FOXJ3: variants seen among roughly 807,000 people sequenced by gnomAD.
FOXJ3 encodes forkhead box J3.
Under a neutral mutation model 76.1 loss-of-function variants are expected in FOXJ3, and 22 were observed. The observed-to-expected ratio is 0.29, with a 90% CI of 0.21 to 0.41. The LOEUF (loss-of-function observed/expected upper bound fraction) is 0.41. Among genes scored for constraint, FOXJ3 ranks in the 10% least tolerant of loss-of-function variants. The pLI, the probability that FOXJ3 is intolerant of heterozygous loss-of-function variation, is 1.00. For synonymous variants in FOXJ3, 269 were observed against 261.2 expected (o/e 1.03, Z -0.29); for missense variants, 613 against 762.1 (o/e 0.80, Z 2.30).
intron 6 of FOXJ3, among the ~76,000 whole-genome samples, chr1:42,201,487 G>A (rs1485241981): frequency 6.6e-6 from 1 of 152,146 alleles, no homozygotes; most frequent in Non-Finnish European, 1.5e-5. Context: ...TATAAAATGT[G>A]GAGTATACAT....
At chr1:42,286,917 A>AG (rs1653093883) in intron 2 of FOXJ3, among the ~76,000 whole-genome samples, 1 of 151,162 alleles carries the variant, frequency 6.6e-6, no homozygotes, top group South Asian at 2.1e-4. Flanking sequence ...TACAGGCGTG[A>AG]GCCACCACGC....
At chr1:42,205,965 G>A (rs757831102) in intron 5 of FOXJ3, 102 bp from the exon 6 acceptor site, 2 of 654,872 alleles carry the variant, frequency 3.1e-6, no homozygotes, top group South Asian at 2.1e-5. Flanking sequence ...CCAGTTTTGT[G>A]CTTTGTTTCT....
At chr1:42,265,690 A>T (rs1315596613) in intron 3 of FOXJ3, among the ~76,000 whole-genome samples, 1 of 152,130 alleles carries the variant, frequency 6.6e-6, no homozygotes, top group Non-Finnish European at 1.5e-5. Flanking sequence ...ATGTATTACC[A>T]CTTATTAATT....
At chr1:42,204,587 C>A (rs1375446698) in intron 6 of FOXJ3, among the ~76,000 whole-genome samples, 1 of 152,152 alleles carries the variant, frequency 6.6e-6, no homozygotes, top group Non-Finnish European at 1.5e-5. Context: ...TCTCACCTAG[C>A]TGGTCACCAT....
chr1:42,239,751 A>C (rs1377924296), intron 4 of FOXJ3, among the ~76,000 whole-genome samples: 1 of 152,168 alleles, frequency 6.6e-6, no homozygotes, highest in Non-Finnish European at 1.5e-5. Context: ...TTGTTGAAGG[A>C]TAGTCATCTC....
At chr1:42,287,002 C>A (rs930167996) in intron 2 of FOXJ3, among the ~76,000 whole-genome samples, 2 of 151,742 alleles carry the variant, frequency 1.3e-5, no homozygotes, top group Admixed American at 6.6e-5. Context: ...GAAAAATTCA[C>A]AATATATTCA....
At position 42,311,107 on chromosome 1, in the gene FOXJ3, G is replaced by C. The variant is rs761473978; in HGVS notation, c.-14C>G. ...ATACAAACCCATCTGGCCACAAAGAGAATCTGAAAAGCAAAGAAGAGTTAG... is the reference window on the plus strand; with the variant it reads ...ATACAAACCCATCTGGCCACAAAGACAATCTGAAAAGCAAAGAAGAGTTAG... On this transcript the variant is annotated 5_prime_UTR_variant, in exon 2 of 13. Coordinates refer to ENST00000361346, the MANE Select transcript of FOXJ3 (RefSeq NM_014947.5). 3 of 1,592,116 alleles carry C rather than the reference G, an allele frequency of 1.9e-6. No homozygotes were observed. Among genetic ancestry groups the C allele is most frequent in the Non-Finnish European group, 2.6e-6 (3 of 1,171,538 alleles).
At chr1:42,309,161 TC>T (rs1654653474) in intron 2 of FOXJ3, among the ~76,000 whole-genome samples, 1 of 152,170 alleles carries the variant, frequency 6.6e-6, no homozygotes. Context: ...GCCTAAGGAT[TC>T]CCTGACTTCC....
chr1:42,284,376 T>G (rs138361692), intron 2 of FOXJ3, among the ~76,000 whole-genome samples: 2,162 of 152,316 alleles, frequency 0.014, 34 homozygotes, highest in Non-Finnish European at 0.018. Flanking sequence ...AGGAAAAATT[T>G]AGAATGTTGG....
chr1:42,255,781 G>T (rs1650538185), intron 4 of FOXJ3, among the ~76,000 whole-genome samples: 1 of 152,172 alleles, frequency 6.6e-6, no homozygotes, highest in Admixed American at 6.5e-5. Flanking sequence ...CCAGCACTTT[G>T]GGAGGCCGAG....
chr1:42,324,104 G>GTGTATATATAGTGTATATATACACAGTA lies in FOXJ3; in HGVS notation c.-18+10954_-18+10955insTACTGTGTATATATACACTATATATACA, dbSNP rs776964079. On this transcript the variant is annotated intron_variant, in intron 1 of 12. Transcript: ENST00000361346. The stretch of plus-strand genomic sequence containing the variant: ...AGTATATATACTGTATATATACTGT[G>GTGTATATATAGTGTATATATACACAGTA]TATATACACTGTATATACACAGTGT... Among the ~76,000 whole-genome samples, 5 of 88,946 alleles carry GTGTATATATAGTGTATATATACACAGTA rather than the reference G, an allele frequency of 5.6e-5. 1 individual carries two copies. Among genetic ancestry groups the GTGTATATATAGTGTATATATACACAGTA allele is most frequent in the African/African-American group, 2.5e-4 (5 of 19,698 alleles). 58.4% of individuals were successfully genotyped at this position (88,946 alleles called of 152,430 possible). A position where few individuals can be genotyped will look rare whatever the true frequency, so the allele number is the denominator to read the frequency against.
At chr1:42,283,986 C>T (rs1652891130) in intron 2 of FOXJ3, among the ~76,000 whole-genome samples, 1 of 152,148 alleles carries the variant, frequency 6.6e-6, no homozygotes, top group Non-Finnish European at 1.5e-5. Flanking sequence ...TGATCCTGAA[C>T]ATGGAAGCCA....
chr1:42,316,594 A>G (rs1311561288), intron 1 of FOXJ3, among the ~76,000 whole-genome samples: 1 of 152,050 alleles, frequency 6.6e-6, no homozygotes, highest in African/African-American at 2.4e-5. Flanking sequence ...AATCCCAACT[A>G]TTGACAGTTA....
intron 2 of FOXJ3, among the ~76,000 whole-genome samples, chr1:42,287,455 C>T (rs1057250311): frequency 1.3e-5 from 2 of 152,164 alleles, no homozygotes; most frequent in Non-Finnish European, 2.9e-5. Context: ...TTCATAATGA[C>T]TGTAACATAT....
intron 1 of FOXJ3, among the ~76,000 whole-genome samples, chr1:42,321,655 A>G (rs918790542): frequency 2.6e-5 from 4 of 152,304 alleles, no homozygotes; most frequent in Middle Eastern, 3.4e-3. Context: ...ATCTTGTTGG[A>G]GAAATGAAAA....
chr1:42,235,531 G>T (rs922142478), intron 4 of FOXJ3, among the ~76,000 whole-genome samples: 2 of 151,332 alleles, frequency 1.3e-5, no homozygotes, highest in Non-Finnish European at 2.9e-5. Context: ...GTTCCTATTC[G>T]GCCATCTTGG....
chr1:42,239,410 G>A (rs574869047), intron 4 of FOXJ3, among the ~76,000 whole-genome samples: 1 of 152,202 alleles, frequency 6.6e-6, no homozygotes, highest in Admixed American at 6.5e-5. Context: ...CTTTTTATTG[G>A]TGGTTTGCTG....
At chr1:42,186,662 A>T (rs1251679890) in intron 11 of FOXJ3, among the ~76,000 whole-genome samples, 1 of 152,122 alleles carries the variant, frequency 6.6e-6, no homozygotes. Context: ...GAGAGAATCT[A>T]GAAGGAGTGC....
chr1:42,274,534 G>C (rs991126045), intron 3 of FOXJ3, among the ~76,000 whole-genome samples: 1 of 152,070 alleles, frequency 6.6e-6, no homozygotes, highest in African/African-American at 2.4e-5. Flanking sequence ...TCATTCTCTA[G>C]CTGAGAAACT....
Sources: allele counts gnomAD v4.1 joint callset (sites outside exome capture counted in the v4.1 genomes callset), GRCh38; gene constraint gnomAD v4.1.1; transcripts MANE v1.5; gene names NCBI Gene and HGNC (gene_info 2026-07-23, HGNC 2026-07-21).